The following ITGA3 variants were observed in gnomAD, a reference collection of about 807,000 sequenced individuals.
The protein encoded by ITGA3 is integrin alpha-3.
ITGA3 carries 70 observed loss-of-function variants against 131.1 expected under a neutral mutation model. The observed-to-expected ratio is 0.53, with a 90% confidence interval of 0.44 to 0.65. ITGA3 has a LOEUF of 0.65. Ranked by LOEUF, ITGA3 falls within the 30% of genes least tolerant of loss-of-function variation. The pLI is 0.00. For synonymous variants in ITGA3, 537 were observed against 571.6 expected (o/e 0.94, Z 0.86); for missense variants, 1,098 against 1,388.6 (o/e 0.79, Z 3.33).
intron 1 of ITGA3, among the ~76,000 whole-genome samples, chr17:50,058,607 G>A (rs1907937512): frequency 6.6e-6 from 1 of 152,246 alleles, no homozygotes; most frequent in Non-Finnish European, 1.5e-5. Flanking sequence ...AGGTTCTAAA[G>A]CTAATGAACC....
intron 20 of ITGA3, 72 bp from the exon 21 acceptor site, chr17:50,079,363 C>G: frequency 1.9e-6 from 3 of 1,553,750 alleles, no homozygotes; most frequent in Non-Finnish European, 2.6e-6. Context: ...TCTCTCCTAC[C>G]CTTTCCTTTC....
intron 1 of ITGA3, among the ~76,000 whole-genome samples, chr17:50,058,775 G>T (rs944816436): frequency 2.6e-5 from 4 of 152,236 alleles, no homozygotes; most frequent in Admixed American, 2.6e-4. Flanking sequence ...GATGCAAACA[G>T]CTGCCTGAGT....
Position 50,077,449 on chromosome 17 carries a change from T to G in ITGA3, c.2139+2T>G. The G allele has an allele frequency of 6.2e-7, 1 of 1,612,016 alleles. No individual in the cohort carries two copies. The highest frequency in any genetic ancestry group is 8.5e-7 in the Non-Finnish European group (1 of 1,178,194). The stretch of plus-strand genomic sequence containing the variant: ...AACCCCTTCAAACGGAACCAGAGGG[T>G]GAGCACCGGCCACATCCTCCCAGTC... On this transcript the variant is annotated splice_donor_variant, in intron 16 of 25. Coordinates refer to ENST00000320031, the MANE Select transcript of ITGA3 (RefSeq NM_002204.4). LOFTEE classifies it high-confidence loss of function.
Position 50,058,528 on chromosome 17 carries a change from C to T in ITGA3, c.206+1883C>T, listed in dbSNP as rs117350422. Among the ~76,000 whole-genome samples, 1,291 of 152,366 alleles carry T rather than the reference C, an allele frequency of 8.5e-3. 10 individuals carry two copies. Among genetic ancestry groups the T allele is most frequent in the Non-Finnish European group, 0.014 (946 of 68,038 alleles). Reference sequence around the variant, plus strand: ...TACCCATGGGCCCCGCCCAGGGTGGCTGAGCAAAGGGGTTCTACTTTTCTG... The same window carrying T: ...TACCCATGGGCCCCGCCCAGGGTGGTTGAGCAAAGGGGTTCTACTTTTCTG... On this transcript the variant is annotated intron_variant, in intron 1 of 25. Coordinates refer to ENST00000320031, the MANE Select transcript of ITGA3 (RefSeq NM_002204.4).
At chr17:50,060,342 T>A (rs1026102290) in intron 1 of ITGA3, among the ~76,000 whole-genome samples, 2 of 152,220 alleles carry the variant, frequency 1.3e-5, no homozygotes, top group African/African-American at 4.8e-5. Flanking sequence ...GCTGCTTCTC[T>A]GAGCATTACC....
At chr17:50,060,183 G>C (rs946636290) in intron 1 of ITGA3, among the ~76,000 whole-genome samples, 3 of 152,188 alleles carry the variant, frequency 2.0e-5, no homozygotes, top group Admixed American at 2.0e-4. Context: ...CCGGGGATAG[G>C]AGGGGAACAC....
Position 50,056,206 on chromosome 17 carries a change from C to G in ITGA3, c.-234C>G, listed in dbSNP as rs1197687422. 2.3e-6 allele frequency: 1 copy of G among 435,446 alleles called. No homozygotes were observed. Among genetic ancestry groups the G allele is most frequent in the African/African-American group, 2.1e-5 (1 of 48,158 alleles). The allele number at this position is 435,446 out of a possible 1,614,324, so 27.0% of individuals were successfully genotyped here. A position where few individuals can be genotyped will look rare whatever the true frequency, so the allele number is the denominator to read the frequency against. On this transcript the variant is annotated 5_prime_UTR_variant, in exon 1 of 26. Coordinates refer to ENST00000320031, the MANE Select transcript of ITGA3 (RefSeq NM_002204.4). This position sits in a 1 kb window ranked among gnomAD's most constrained non-coding sequence, Gnocchi z 5.6. ...CGGTTGCCCGGGGCAGGGACGGCGG[C>G]GACCCGGCCGCTGGGGAGGCAGGAA...
intron 23 of ITGA3, among the ~76,000 whole-genome samples, chr17:50,085,304 C>T (rs1472594186): frequency 6.6e-6 from 1 of 151,912 alleles, no homozygotes; most frequent in Non-Finnish European, 1.5e-5. Flanking sequence ...TATTAATATT[C>T]CATATTTAAA....
At chr17:50,087,351 G>C (rs1268679719) in intron 23 of ITGA3, 1 of 167,024 alleles carries the variant, frequency 6.0e-6, no homozygotes, top group Non-Finnish European at 1.3e-5. Flanking sequence ...GCTTTTGGTC[G>C]TTCTGCTATT....
Position 50,090,289 on chromosome 17 carries a change from C to T in ITGA3, c.*1211C>T. The T allele has an allele frequency of 2.2e-6, 1 of 456,362 alleles. No individual in the cohort carries two copies. Among genetic ancestry groups the T allele is most frequent in the Non-Finnish European group, 4.4e-6 (1 of 226,818 alleles). The allele number at this position is 456,362 out of a possible 1,614,324, so 28.3% of individuals were successfully genotyped here. A position where few individuals can be genotyped will look rare whatever the true frequency, so the allele number is the denominator to read the frequency against. ...CTGGCTCTGCCCCCTCCCCCATGGG[C>T]TGTGTCCTAAGGCCCATTTGAGAAG... On this transcript the variant is annotated 3_prime_UTR_variant, in exon 26 of 26. Coordinates refer to ENST00000320031, the MANE Select transcript of ITGA3 (RefSeq NM_002204.4).
intron 4 of ITGA3, among the ~76,000 whole-genome samples, chr17:50,070,584 T>G (rs1348612409): frequency 7.7e-6 from 1 of 130,382 alleles, no homozygotes; most frequent in Non-Finnish European, 1.5e-5. Flanking sequence ...AAGCGGAGGT[T>G]GCAGTGAGGC....
Position 50,056,396 on chromosome 17 carries a change from C to T in ITGA3, c.-44C>T. The T allele has an allele frequency of 2.9e-6, 4 of 1,375,480 alleles. No individual in the cohort carries two copies. Among genetic ancestry groups the T allele is most frequent in the Non-Finnish European group, 3.8e-6 (4 of 1,052,430 alleles). 85.2% of individuals were successfully genotyped at this position (1,375,480 alleles called of 1,614,324 possible). ...GAACAGGTCCTCACGCCCAGCTCCG[C>T]GCCCTCACGCGCTCTCGCCGGGACC... On this transcript the variant is annotated 5_prime_UTR_variant, in exon 1 of 26. Transcript: ENST00000320031. The surrounding 1 kb of genome is among the most constrained non-coding windows in gnomAD (Gnocchi z 5.6).
intron 10 of ITGA3, among the ~76,000 whole-genome samples, chr17:50,074,891 T>A (rs536806603): frequency 6.6e-6 from 1 of 152,286 alleles, no homozygotes; most frequent in South Asian, 2.1e-4. Context: ...CCTCTTAGGC[T>A]CAGATTTCTT....
At chr17:50,059,942 T>A (rs779410187) in intron 1 of ITGA3, among the ~76,000 whole-genome samples, 13 of 152,108 alleles carry the variant, frequency 8.5e-5, no homozygotes, top group Non-Finnish European at 1.8e-4. Flanking sequence ...GTTGCTCTGG[T>A]TCTAGGGCTG....
intron 25 of ITGA3, among the ~76,000 whole-genome samples, 182 bp from the exon 26 acceptor site, chr17:50,088,928 C>T (rs564346003): frequency 1.3e-5 from 2 of 152,236 alleles, no homozygotes; most frequent in African/African-American, 4.8e-5. Flanking sequence ...ACTCCTTCTT[C>T]CTCTGGGGCC....
chr17:50,070,512 G>T (rs889610261), intron 4 of ITGA3, among the ~76,000 whole-genome samples: 1 of 151,828 alleles, frequency 6.6e-6, no homozygotes, highest in East Asian at 1.9e-4. Context: ...CGGGCATGGT[G>T]GCGCATGCCT....
At chr17:50,069,230 A>G (rs147878221) in intron 4 of ITGA3, among the ~76,000 whole-genome samples, 2 of 152,314 alleles carry the variant, frequency 1.3e-5, no homozygotes, top group African/African-American at 4.8e-5. Flanking sequence ...AGAGAAGTAA[A>G]TTGCCCAAGG....
At chr17:50,059,791 C>CG (rs1324916264) in intron 1 of ITGA3, among the ~76,000 whole-genome samples, 1 of 152,102 alleles carries the variant, frequency 6.6e-6, no homozygotes, top group Non-Finnish European at 1.5e-5. Context: ...AGAATGCCCT[C>CG]GGGGGTCAAA....
chr17:50,076,230 C>G (rs1249084699), intron 12 of ITGA3, 96 bp from the exon 13 acceptor site: 2 of 1,355,902 alleles, frequency 1.5e-6, no homozygotes, highest in Non-Finnish European at 2.0e-6. Context: ...GGGTGGGGGG[C>G]GGGTCCAGCT....
Sources: gnomAD v4.1 joint callset for allele counts (sites outside exome capture counted in the v4.1 genomes callset) on GRCh38, gnomAD v4.1.1 for gene constraint, Gnocchi (gnomAD v3.1) non-coding constraint, MANE v1.5 for transcripts, NCBI Gene and HGNC (gene_info 2026-07-23, HGNC 2026-07-21) for gene names.